Variants in ASCC1 observed in about 807,000 individuals in gnomAD.
ASCC1 encodes the protein activating signal cointegrator 1 complex subunit 1, also known as ASC-1 complex subunit P50.
In ASCC1, 35 loss-of-function variants were observed where a neutral mutation model predicts 46.6. That is an observed-to-expected ratio of 0.75 (90% confidence interval 0.57 to 0.99). ASCC1 has a LOEUF of 0.99. ASCC1 is among the 50% of genes least tolerant of loss of function. The probability of loss-of-function intolerance (pLI) is 0.00; values close to 1 mark genes in which losing one functional copy is unlikely to be tolerated. For synonymous variants in ASCC1, 143 were observed against 146.6 expected (o/e 0.98, Z 0.18); for missense variants, 376 against 428.7 (o/e 0.88, Z 1.09).
At chr10:72,115,236 T>C (rs749092433) in intron 9 of ASCC1, among the ~76,000 whole-genome samples, 6 of 152,222 alleles carry the variant, frequency 3.9e-5, no homozygotes, top group African/African-American at 7.2e-5. Flanking sequence ...CTGATGTCTG[T>C]AGAAAACAGT....
intron 5 of ASCC1, among the ~76,000 whole-genome samples, chr10:72,189,004 C>A (rs1172904273): frequency 1.3e-5 from 2 of 152,114 alleles, no homozygotes; most frequent in South Asian, 4.1e-4. Flanking sequence ...AATCCTCCAG[C>A]CTCGGCCTCC....
rs1437368754 is a variant in ASCC1, at chr10:72,152,854, A to C, written c.746+15T>G. ...TACCTCTTGATTGAAACAAAGAAGC[A>C]TTCCAGAAATATACCTGTTGGAGCC... On this transcript the variant is annotated intron_variant, in intron 7 of 9. Transcript: ENST00000672957. The C allele has an allele frequency of 6.2e-7, 1 of 1,613,978 alleles. No homozygotes were observed. Among genetic ancestry groups the C allele is most frequent in the African/African-American group, 1.3e-5 (1 of 74,940 alleles).
In ASCC1 at chr10:72,200,376, C is replaced by T. The variant is rs149088167; in HGVS notation, c.310+3051G>A. ...ATAATCAGAAAAAATTAGGGCTGGG[C>T]GCAGTGGCTCATACCTGTAATACCA... On this transcript the variant is annotated intron_variant, in intron 4 of 9. Transcript: ENST00000672957. 1.1e-3 allele frequency among the ~76,000 whole-genome samples: 167 copies of T among 152,026 alleles called. 3 individuals are homozygous for T. The highest frequency in any genetic ancestry group is 3.2e-3 in the African/African-American group (134 of 41,466).
At chr10:72,108,725 A>G (rs1197302885) in intron 9 of ASCC1, among the ~76,000 whole-genome samples, 1 of 152,238 alleles carries the variant, frequency 6.6e-6, no homozygotes, top group Non-Finnish European at 1.5e-5. Flanking sequence ...ATCCTTTACA[A>G]AGATGTTCTG....
intron 5 of ASCC1, among the ~76,000 whole-genome samples, chr10:72,193,619 A>C (rs1348156866): frequency 6.6e-6 from 1 of 152,082 alleles, no homozygotes; most frequent in Non-Finnish European, 1.5e-5. Flanking sequence ...TTGTTGTGGT[A>C]GTTACAGAAA....
chr10:72,115,775 C>T (rs368205268), intron 9 of ASCC1, among the ~76,000 whole-genome samples: 7 of 152,044 alleles, frequency 4.6e-5, no homozygotes, highest in East Asian at 3.8e-4. Context: ...CTGAAAGGGA[C>T]GGTGGCAGGA....
chr10:72,202,798 T>C (rs983400005), intron 4 of ASCC1, among the ~76,000 whole-genome samples: 4 of 152,146 alleles, frequency 2.6e-5, no homozygotes, highest in African/African-American at 7.2e-5. Context: ...CTAATTCTAA[T>C]TGGAAACAAT....
chr10:72,097,857 G>A (rs532152621), intron 9 of ASCC1, among the ~76,000 whole-genome samples: 2 of 152,312 alleles, frequency 1.3e-5, no homozygotes, highest in East Asian at 3.9e-4. Flanking sequence ...TGTTGCACCA[G>A]GGTTAAATTT....
chr10:72,171,037 T>C (rs768836972), intron 5 of ASCC1, among the ~76,000 whole-genome samples: 6 of 152,184 alleles, frequency 3.9e-5, no homozygotes, highest in Non-Finnish European at 7.3e-5. Flanking sequence ...TGCAACTCAC[T>C]CTAAAGCAGT....
chr10:72,170,736 T>C (rs1850971050), intron 5 of ASCC1, among the ~76,000 whole-genome samples: 1 of 151,900 alleles, frequency 6.6e-6, no homozygotes. Context: ...GAAAAAATGC[T>C]ACAAAGGATA....
At chr10:72,182,072 GA>G (rs1852711574) in intron 5 of ASCC1, among the ~76,000 whole-genome samples, 1 of 152,118 alleles carries the variant, frequency 6.6e-6, no homozygotes, top group Non-Finnish European at 1.5e-5. Flanking sequence ...AATAATGACT[GA>G]AAATTATACA....
intron 5 of ASCC1, chr10:72,190,711 G>C (rs1854300192): frequency 1.6e-6 from 1 of 607,088 alleles, no homozygotes; most frequent in South Asian, 2.1e-5. Flanking sequence ...GACAGTTAAA[G>C]TGAAGGCCGG....
chr10:72,170,686 T>G (rs1850966331), intron 5 of ASCC1, among the ~76,000 whole-genome samples: 1 of 149,070 alleles, frequency 6.7e-6, no homozygotes, highest in East Asian at 2.0e-4. Context: ...GACAATTAAA[T>G]ACAACACCTA....
chr10:72,168,717 T>C (rs539626171), intron 5 of ASCC1, among the ~76,000 whole-genome samples: 17 of 152,248 alleles, frequency 1.1e-4, no homozygotes, highest in Admixed American at 3.9e-4. Context: ...GGTGTCTTTA[T>C]TCAGAAGAAG....
intron 6 of ASCC1, among the ~76,000 whole-genome samples, chr10:72,156,366 A>G (rs543396965): frequency 6.6e-6 from 1 of 152,328 alleles, no homozygotes; most frequent in Admixed American, 6.5e-5. Context: ...TCTTTTCTTT[A>G]TAAGTTACCC....
chr10:72,154,953 TAAAAC>T (rs1336980975), intron 6 of ASCC1, among the ~76,000 whole-genome samples: 1 of 152,106 alleles, frequency 6.6e-6, no homozygotes, highest in Non-Finnish European at 1.5e-5. Context: ...GGTACTGATA[TAAAAC>T]AATATAAAAA....
chr10:72,167,647 T>C (rs926887121), intron 5 of ASCC1, among the ~76,000 whole-genome samples: 9 of 151,834 alleles, frequency 5.9e-5, no homozygotes, highest in African/African-American at 2.2e-4. Flanking sequence ...TCTTTTTTTT[T>C]TTTTTTTTTA....
chr10:72,149,255 G>A (rs1265205076), intron 7 of ASCC1, among the ~76,000 whole-genome samples: 5 of 151,774 alleles, frequency 3.3e-5, no homozygotes, highest in Non-Finnish European at 5.9e-5. Flanking sequence ...TGGCTGACAC[G>A]GTGAAACCCT....
chr10:72,177,090 T>A (rs1851951910), intron 5 of ASCC1, among the ~76,000 whole-genome samples: 1 of 152,182 alleles, frequency 6.6e-6, no homozygotes, highest in South Asian at 2.1e-4. Flanking sequence ...ATGTCCTATA[T>A]GTTATATATA....
Sources: allele counts gnomAD v4.1 joint callset (sites outside exome capture counted in the v4.1 genomes callset), GRCh38; gene constraint gnomAD v4.1.1; transcripts MANE v1.5; gene names NCBI Gene and HGNC (gene_info 2026-07-23, HGNC 2026-07-21).